Variants in UBN2 observed in about 807,000 individuals in gnomAD.
UBN2 encodes the protein ubinuclein-2.
Under a neutral mutation model 120.2 loss-of-function variants are expected in UBN2, and 35 were observed. The ratio of observed to expected loss-of-function variants is 0.29; its 90% CI spans 0.22 to 0.39. The LOEUF is 0.39. Ranked by LOEUF, UBN2 falls within the 10% of genes least tolerant of loss-of-function variation. UBN2 has a pLI of 1.00. For missense variants in UBN2, 1,693 were observed against 1,663.2 expected, an observed-to-expected ratio of 1.02 and a Z score of -0.31; for synonymous variants, 661 against 648.7, an observed-to-expected ratio of 1.02 and a Z score of -0.29.
At chr7:139,239,929 A>G (rs34883914) in intron 2 of UBN2, among the ~76,000 whole-genome samples, 12,201 of 152,226 alleles carry the variant, frequency 0.08, 648 homozygotes, top group Non-Finnish European at 0.11. Context: ...AAAAATTCCT[A>G]TATATAATCC....
chr7:139,303,154 CAT>C lies in UBN2; in HGVS notation c.*5322_*5323del, dbSNP rs1377437293. On this transcript the variant is annotated 3_prime_UTR_variant, in exon 18 of 18. Coordinates refer to ENST00000473989, the MANE Select transcript of UBN2 (RefSeq NM_173569.4). ...GAAAGACTTCAGATGCTGAGGAAAACATATAATCTATAGCATTCTTGAGAGAT... is the reference window on the plus strand; with the variant it reads ...GAAAGACTTCAGATGCTGAGGAAAACATAATCTATAGCATTCTTGAGAGAT... The C allele has an allele frequency of 7.2e-5, 11 of 152,164 alleles. No individual in the cohort carries two copies. The highest frequency in any genetic ancestry group is 1.2e-4 in the Non-Finnish European group (8 of 68,024). The allele number at this position is 152,164 out of a possible 1,614,324, so 9.4% of individuals were successfully genotyped here. A position where few individuals can be genotyped will look rare whatever the true frequency, so the allele number is the denominator to read the frequency against.
intron 17 of UBN2, among the ~76,000 whole-genome samples, chr7:139,296,857 A>G (rs1798122316): frequency 6.6e-6 from 1 of 152,116 alleles, no homozygotes; most frequent in Non-Finnish European, 1.5e-5. Context: ...ACCTGTGCAT[A>G]GCCAGTGTAC....
At position 139,302,873 on chromosome 7, in the gene UBN2, T is replaced by C. The variant is rs1406495794; in HGVS notation, c.*5037T>C. The C allele has an allele frequency of 6.6e-6, 1 of 152,020 alleles. No homozygotes were observed. The highest frequency in any genetic ancestry group is 1.9e-4 in the East Asian group (1 of 5,194). 9.4% of individuals were successfully genotyped at this position (152,020 alleles called of 1,614,324 possible). Reference sequence around the variant, plus strand: ...TTGGATATAACCCACTTTTCTGTGCTCTTTAAACTTGGCATAAGTAATATA... The same window carrying C: ...TTGGATATAACCCACTTTTCTGTGCCCTTTAAACTTGGCATAAGTAATATA... On this transcript the variant is annotated 3_prime_UTR_variant, in exon 18 of 18. Coordinates refer to ENST00000473989, the MANE Select transcript of UBN2 (RefSeq NM_173569.4).
At chr7:139,232,990 T>A (rs1796069972) in intron 1 of UBN2, among the ~76,000 whole-genome samples, 1 of 152,172 alleles carries the variant, frequency 6.6e-6, no homozygotes, top group Non-Finnish European at 1.5e-5. Flanking sequence ...ATTATACCCG[T>A]TATTAGGTTT....
chr7:139,313,101 C>T (rs1365909814), downstream of UBN2, among the ~76,000 whole-genome samples: 2 of 151,904 alleles, frequency 1.3e-5, no homozygotes, highest in Non-Finnish European at 2.9e-5. Flanking sequence ...TATGTTGGCC[C>T]AGCTAATTAT....
At chr7:139,277,344 G>C (rs1163464702) in intron 12 of UBN2, 1 of 152,180 alleles carries the variant, frequency 6.6e-6, no homozygotes, top group Non-Finnish European at 1.5e-5. Context: ...AGCTCTCCCA[G>C]AACTTCACTG....
In UBN2 at chr7:139,261,607, C is replaced by G. The variant is rs774077552; in HGVS notation, c.1261C>G (p.Leu421Val). 2 of 1,614,104 alleles carry G rather than the reference C, an allele frequency of 1.2e-6. No individual in the cohort carries two copies. The highest frequency in any genetic ancestry group is 1.3e-5 in the African/African-American group (1 of 74,932). Residue 421 changes from leucine to valine, a missense_variant, in exon 6 of 18, where the codon CTA becomes GTA. This residue lies in a region of UBN2 where 663 missense variants were observed against 591.2 expected (regional missense o/e 1.12). Coordinates refer to ENST00000473989, the MANE Select transcript of UBN2 (RefSeq NM_173569.4). ...GGATGCTGCTTCTGATGGTAGCCCC[C>G]TATCTGAGTCGGGGGGTGAAAATGG... ...LLDAASDGSP[L>V]SESGGENGTT... is the part of the protein sequence containing the mutation.
At chr7:139,324,305 C>T in the UBN2 span, among the ~76,000 whole-genome samples, 1 of 151,960 alleles carries the variant, frequency 6.6e-6, no homozygotes, top group South Asian at 2.1e-4. Flanking sequence ...CGTGGTGGCT[C>T]ACGCCTGTAA....
At position 139,252,131 on chromosome 7, in the gene UBN2, C is replaced by T. The variant is rs1322490001; in HGVS notation, c.663+74C>T. ...ATAGTAGAAGTCAAGGGTAAAGTAA[C>T]TTAAATAGTGCAGTGAATGTTTTTA... On this transcript the variant is annotated intron_variant, in intron 3 of 17. Transcript: ENST00000473989. 2.8e-5 allele frequency: 34 copies of T among 1,195,588 alleles called. 1 individual carries two copies. In the South Asian group the frequency reaches 3.9e-4, roughly 14 times the overall value. The allele number at this position is 1,195,588 out of a possible 1,614,324, so 74.1% of individuals were successfully genotyped here.
intron 15 of UBN2, among the ~76,000 whole-genome samples, chr7:139,289,413 G>GTTTTTTTTTTTTTTTTTT (rs1797880317): frequency 1.5e-5 from 2 of 130,220 alleles, no homozygotes; most frequent in Non-Finnish European, 3.1e-5. Flanking sequence ...TTTACATTTT[G>GTTTTTTTTTTTTTTTTTT]CTTTTTTTTT....
chr7:139,245,851 G>C (rs1317793624), intron 2 of UBN2, among the ~76,000 whole-genome samples: 1 of 152,184 alleles, frequency 6.6e-6, no homozygotes, highest in Admixed American at 6.5e-5. Context: ...GTGTTTGGGG[G>C]AGAGTTGGTA....
chr7:139,231,359 G>C lies in UBN2; in HGVS notation c.-126G>C, dbSNP rs1796001832. On this transcript the variant is annotated 5_prime_UTR_variant, in exon 1 of 18. Coordinates refer to ENST00000473989, the MANE Select transcript of UBN2 (RefSeq NM_173569.4). The stretch of plus-strand genomic sequence containing the variant: ...GGTCCGCACTCACCGTGGCGCCGGC[G>C]GAGACGGCTGAGGGTGGTGGAGGGA... 1.3e-6 allele frequency: 1 copy of C among 782,210 alleles called. No individual in the cohort carries two copies. Among genetic ancestry groups the C allele is most frequent in the Admixed American group, 4.4e-5 (1 of 22,738 alleles). 48.5% of individuals were successfully genotyped at this position (782,210 alleles called of 1,614,324 possible). A position where few individuals can be genotyped will look rare whatever the true frequency, so the allele number is the denominator to read the frequency against.
At position 139,251,957 on chromosome 7, in the gene UBN2, G is replaced by T; in HGVS notation, c.563G>T (p.Gly188Val). ...MLAKKFEMKYGGKPRKHRKDR... is the reference protein window; with the variant it reads ...MLAKKFEMKYVGKPRKHRKDR... The stretch of plus-strand genomic sequence containing the variant: ...GTCTAATGTATCTGTTCTTTGCAGG[G>T]TGGGAAACCCCGTAAACACCGGAAG... Residue 188 changes from glycine (G) to valine (V), a missense_variant and splice_region_variant, in exon 3 of 18, where the codon GGT becomes GTT. Physicochemically the swap from Gly to Val is moderately radical, Grantham distance 109. Transcript: ENST00000473989. 1.2e-6 allele frequency: 2 copies of T among 1,613,932 alleles called. No homozygotes were observed. Among genetic ancestry groups the T allele is most frequent in the Non-Finnish European group, 1.7e-6 (2 of 1,179,860 alleles).
intron 9 of UBN2, 110 bp from the exon 10 acceptor site, chr7:139,273,187 T>C (rs1251828043): frequency 3.3e-6 from 2 of 598,006 alleles, no homozygotes; most frequent in Non-Finnish European, 5.5e-6. Context: ...ATTCCGTCTT[T>C]ACCCTCTCTT....
At chr7:139,237,902 A>T (rs1796209128) in intron 2 of UBN2, among the ~76,000 whole-genome samples, 1 of 152,326 alleles carries the variant, frequency 6.6e-6, no homozygotes, top group Admixed American at 6.5e-5. Flanking sequence ...CCAGCATGAG[A>T]CTTCTTTGAA....
Position 139,231,954 on chromosome 7 carries a change from T to TA in UBN2, c.468+3dup. 1 of 1,577,356 alleles carries TA rather than the reference T, an allele frequency of 6.3e-7. No homozygotes were observed. Among genetic ancestry groups the TA allele is most frequent in the Non-Finnish European group, 8.6e-7 (1 of 1,168,750 alleles). On this transcript the variant is annotated splice_region_variant and intron_variant, in intron 1 of 17. Coordinates refer to ENST00000473989, the MANE Select transcript of UBN2 (RefSeq NM_173569.4). ...CTGCTGCTGTGCGGAGAACAACGGG[T>TA]ACAGAAGATTCTTCCCTCCTGCCCC...
rs776274433 is a variant in UBN2, at chr7:139,283,539, A to G, written c.2634A>G (p.Gln878=). 7.4e-6 allele frequency: 12 copies of G among 1,614,136 alleles called. No individual in the cohort carries two copies. The highest frequency in any genetic ancestry group is 7.6e-6 in the Non-Finnish European group (9 of 1,180,006). ...SLEPLPARLL[Q]QGLQRSSQIH... is the part of the protein sequence containing the mutation. ...AACCTTTGCCAGCCAGGCTACTTCA[A>G]CAAGGACTTCAGAGGTCAAGCCAGA... Residue 878 remains glutamine (Q), a synonymous_variant, in exon 15 of 18, where the codon CAA becomes CAG. Transcript: ENST00000473989.
chr7:139,250,595 A>G (rs1278803064), intron 2 of UBN2, among the ~76,000 whole-genome samples: 3 of 152,052 alleles, frequency 2.0e-5, no homozygotes, highest in Non-Finnish European at 4.4e-5. Flanking sequence ...AGTTGCAAAT[A>G]TACTACAGAG....
chr7:139,250,112 G>A (rs966158008), intron 2 of UBN2, among the ~76,000 whole-genome samples: 3 of 152,128 alleles, frequency 2.0e-5, no homozygotes, highest in Non-Finnish European at 2.9e-5. Context: ...ACCATAGCTT[G>A]TGTCTGTAGT....
Sources: allele counts gnomAD v4.1 joint callset (sites outside exome capture counted in the v4.1 genomes callset), GRCh38; gene constraint gnomAD v4.1.1; regional missense constraint gnomAD v4.1.1; transcripts MANE v1.5; gene names NCBI Gene and HGNC (gene_info 2026-07-23, HGNC 2026-07-21).